The following ZNF385B variants were observed in gnomAD, a reference collection of about 807,000 sequenced individuals.
The protein encoded by ZNF385B is zinc finger protein 385B.
In ZNF385B, 23 loss-of-function variants were observed where a neutral mutation model predicts 39.2. The ratio of observed to expected loss-of-function variants is 0.59; its 90% CI spans 0.42 to 0.83. ZNF385B has a LOEUF of 0.83. Among genes scored for constraint, ZNF385B ranks in the 40% least tolerant of loss-of-function variants. ZNF385B has a pLI of 0.00. For missense variants in ZNF385B, 552 were observed against 598.9 expected, an observed-to-expected ratio of 0.92 and a Z score of 0.82; for synonymous variants, 205 against 222.6, an observed-to-expected ratio of 0.92 and a Z score of 0.70.
intron 3 of ZNF385B, among the ~76,000 whole-genome samples, chr2:179,551,572 C>T (rs2060571321): frequency 6.7e-6 from 1 of 149,382 alleles, no homozygotes; most frequent in African/African-American, 2.5e-5. Context: ...CTGAGACCAC[C>T]CATATTGGGT....
At position 179,724,942 on chromosome 2, in the gene ZNF385B, T is replaced by C. The variant is rs938674883; in HGVS notation, c.298+44561A>G. Among the ~76,000 whole-genome samples, 50 of 152,310 alleles carry C rather than the reference T, an allele frequency of 3.3e-4. 1 individual carries two copies. The highest frequency in any genetic ancestry group is 3.1e-3 in the Admixed American group (47 of 15,294). On this transcript the variant is annotated intron_variant, in intron 3 of 9. Transcript: ENST00000410066. ...TAAACCATTTTGCTATGAATTTAGC[T>C]TATTTTGAAAGTAAATTCTAAATCT...
chr2:179,793,517 T>C (rs1328965115), intron 1 of ZNF385B, among the ~76,000 whole-genome samples: 1 of 152,120 alleles, frequency 6.6e-6, no homozygotes, highest in African/African-American at 2.4e-5. Context: ...GGTCTGATGG[T>C]TTTATAAGAG....
chr2:179,504,670 AG>A, intron 5 of ZNF385B, among the ~76,000 whole-genome samples: 1 of 150,558 alleles, frequency 6.6e-6, no homozygotes, highest in East Asian at 2.0e-4. Flanking sequence ...GGGTGGGGAG[AG>A]GGGGGAGGGA....
At chr2:179,505,018 ATT>A (rs2057125492) in intron 5 of ZNF385B, among the ~76,000 whole-genome samples, 1 of 152,070 alleles carries the variant, frequency 6.6e-6, no homozygotes, top group Non-Finnish European at 1.5e-5. Context: ...GTATAATTCC[ATT>A]TATATGAAAT....
chr2:179,678,995 T>C (rs1697237706), intron 3 of ZNF385B, among the ~76,000 whole-genome samples: 1 of 152,184 alleles, frequency 6.6e-6, no homozygotes, highest in African/African-American at 2.4e-5. Flanking sequence ...AGGTTAGAAA[T>C]TGTGCTTTCT....
chr2:179,764,191 TA>T (rs1404673756), intron 3 of ZNF385B, among the ~76,000 whole-genome samples: 1 of 152,178 alleles, frequency 6.6e-6, no homozygotes, highest in Non-Finnish European at 1.5e-5. Flanking sequence ...TTGAATATCT[TA>T]TCAGTACATA....
intron 1 of ZNF385B, among the ~76,000 whole-genome samples, chr2:179,804,305 G>T (rs1706216843): frequency 6.6e-6 from 1 of 152,120 alleles, no homozygotes; most frequent in Non-Finnish European, 1.5e-5. Flanking sequence ...ACACCTGAGG[G>T]ACTCAAAGAC....
chr2:179,762,581 T>G lies in ZNF385B; in HGVS notation c.298+6922A>C, dbSNP rs559561499. Among the ~76,000 whole-genome samples the G allele has an allele frequency of 2.6e-5, 4 of 152,340 alleles. No individual in the cohort carries two copies. In the South Asian group the frequency reaches 8.3e-4, roughly 32 times the overall value. On this transcript the variant is annotated intron_variant, in intron 3 of 9. Transcript: ENST00000410066. ...ATGGTATATAATTCTTTTGATACATTGCTGGATTCAATTTGCTCACATTTT... is the reference window on the plus strand; with the variant it reads ...ATGGTATATAATTCTTTTGATACATGGCTGGATTCAATTTGCTCACATTTT...
chr2:179,497,875 T>G (rs529392003), intron 5 of ZNF385B, among the ~76,000 whole-genome samples: 27 of 152,246 alleles, frequency 1.8e-4, no homozygotes, highest in African/African-American at 6.5e-4. Context: ...TGTAAAGATA[T>G]TCCACACTAC....
At chr2:179,762,423 C>T (rs1420040458) in intron 3 of ZNF385B, among the ~76,000 whole-genome samples, 1 of 152,108 alleles carries the variant, frequency 6.6e-6, no homozygotes, top group Non-Finnish European at 1.5e-5. Flanking sequence ...AACTGCTGAC[C>T]TCAGGTGCTA....
intron 5 of ZNF385B, among the ~76,000 whole-genome samples, chr2:179,513,015 C>T (rs1313993457): frequency 1.3e-5 from 2 of 152,164 alleles, no homozygotes; most frequent in Non-Finnish European, 2.9e-5. Flanking sequence ...GAAGCCAACT[C>T]TGGTACATTT....
intron 3 of ZNF385B, chr2:179,576,306 GA>G: frequency 2.4e-6 from 1 of 412,894 alleles, no homozygotes; most frequent in Non-Finnish European, 3.3e-6. Context: ...CCTCTACTTA[GA>G]ATCCTTTTTT....
At chr2:179,692,807 C>T (rs1215798767) in intron 3 of ZNF385B, among the ~76,000 whole-genome samples, 4 of 152,148 alleles carry the variant, frequency 2.6e-5, no homozygotes, top group Admixed American at 2.6e-4. Context: ...ATGGTTAGTG[C>T]CTCTCCCTCA....
chr2:179,687,576 A>C (rs1341412915), intron 3 of ZNF385B, among the ~76,000 whole-genome samples: 2 of 152,158 alleles, frequency 1.3e-5, no homozygotes, highest in East Asian at 3.9e-4. Context: ...AGGGGATGAA[A>C]AAGGAGCTAC....
chr2:179,444,483 T>A (rs2049267543), intron 9 of ZNF385B, among the ~76,000 whole-genome samples: 1 of 152,078 alleles, frequency 6.6e-6, no homozygotes, highest in Non-Finnish European at 1.5e-5. Flanking sequence ...ATAATAATAA[T>A]AAAAAACAGA....
At chr2:179,642,112 GA>G (rs1363497725) in intron 3 of ZNF385B, among the ~76,000 whole-genome samples, 1 of 151,884 alleles carries the variant, frequency 6.6e-6, no homozygotes, top group East Asian at 1.9e-4. Flanking sequence ...TGGTCTGAAA[GA>G]AAAAAATGTC....
At chr2:179,762,200 G>A (rs927119490) in intron 3 of ZNF385B, among the ~76,000 whole-genome samples, 1 of 151,436 alleles carries the variant, frequency 6.6e-6, no homozygotes, top group Non-Finnish European at 1.5e-5. Flanking sequence ...TTTTTGTTTT[G>A]GTTTTTAGAG....
chr2:179,594,692 A>C (rs1235699486), intron 3 of ZNF385B, among the ~76,000 whole-genome samples: 2 of 152,212 alleles, frequency 1.3e-5, no homozygotes, highest in Non-Finnish European at 2.9e-5. Context: ...GAGGAGGCTC[A>C]GTGCCAAAAC....
chr2:179,493,773 A>ATATACATATATGTATACATACG, intron 5 of ZNF385B, among the ~76,000 whole-genome samples: 1 of 73,946 alleles, frequency 1.4e-5, no homozygotes. Flanking sequence ...GTATACATAT[A>ATATACATATATGTATACATACG]TGTATATACA....
Sources: allele counts gnomAD v4.1 joint callset (sites outside exome capture counted in the v4.1 genomes callset), GRCh38; gene constraint gnomAD v4.1.1; transcripts MANE v1.5; gene names NCBI Gene and HGNC (gene_info 2026-07-23, HGNC 2026-07-21).